The following MBD5 variants were observed in gnomAD, a reference collection of about 807,000 sequenced individuals.
The protein encoded by MBD5 is methyl-CpG binding domain protein 5.
MBD5 carries 13 observed loss-of-function variants against 117.3 expected under a neutral mutation model. That is an observed-to-expected ratio of 0.11 (90% CI 0.07 to 0.18). The LOEUF (loss-of-function observed/expected upper bound fraction) is 0.18. MBD5 is among the 10% of genes least tolerant of loss of function. The pLI, the probability that MBD5 is intolerant of heterozygous loss-of-function variation, is 1.00. For synonymous variants in MBD5, 727 were observed against 766.4 expected, an observed-to-expected ratio of 0.95 and a Z score of 0.85; for missense variants, 1,879 against 2,093.8, an observed-to-expected ratio of 0.90 and a Z score of 2.00.
chr2:148,316,149 C>G (rs1328180537), intron 3 of MBD5, among the ~76,000 whole-genome samples: 2 of 152,092 alleles, frequency 1.3e-5, no homozygotes, highest in African/African-American at 4.8e-5. Flanking sequence ...AAAATCTACC[C>G]CCATGATCCA....
intron 1 of MBD5, among the ~76,000 whole-genome samples, chr2:148,130,313 G>A (rs950563314): frequency 9.2e-5 from 14 of 152,094 alleles, no homozygotes; most frequent in African/African-American, 3.4e-4. Flanking sequence ...CATAGCTGAT[G>A]CAGTATAGCA....
intron 2 of MBD5, among the ~76,000 whole-genome samples, chr2:148,216,301 G>T (rs1462821193): frequency 2.0e-5 from 3 of 152,144 alleles, no homozygotes; most frequent in Non-Finnish European, 4.4e-5. Context: ...AGAAACTGTA[G>T]TAGATCTGTT....
Position 148,409,520 on chromosome 2 carries a change from A to C in MBD5, c.-556-48683A>C, listed in dbSNP as rs570532737. On this transcript the variant is annotated intron_variant, in intron 4 of 13. Coordinates refer to ENST00000642680, the MANE Select transcript of MBD5 (RefSeq NM_001378120.1). The stretch of plus-strand genomic sequence containing the variant: ...GTACTGTGATTGCTTCATGCTACTT[A>C]AGTGTAGCTCTGAAGTGTTTTCTAA... 2.6e-5 allele frequency among the ~76,000 whole-genome samples: 4 copies of C among 152,248 alleles called. No individual in the cohort carries two copies. In the East Asian group the frequency reaches 7.7e-4, roughly 29 times the overall value.
chr2:148,162,499 C>A (rs1053220363), intron 1 of MBD5, among the ~76,000 whole-genome samples: 1 of 152,094 alleles, frequency 6.6e-6, no homozygotes, highest in Non-Finnish European at 1.5e-5. Flanking sequence ...TTCTAAATTG[C>A]TGTAAGGGTG....
At chr2:148,077,562 G>A (rs1258188986) in intron 1 of MBD5, among the ~76,000 whole-genome samples, 5 of 152,074 alleles carry the variant, frequency 3.3e-5, no homozygotes, top group African/African-American at 1.2e-4. Context: ...AATTTTAAAC[G>A]GAGTAAGAGA....
intron 3 of MBD5, among the ~76,000 whole-genome samples, chr2:148,261,976 G>A (rs1389669810): frequency 2.0e-5 from 3 of 152,160 alleles, no homozygotes; most frequent in Non-Finnish European, 2.9e-5. Context: ...AACATTTATC[G>A]ATTGAATTTG....
rs1703803942 is a variant in MBD5, at chr2:148,369,844, A to G, written c.-557+27508A>G. ...TTAAATTCTTTATGTTAAATGTACCATTTGAATTCAGGATATTAATATTTT... is the reference window on the plus strand; with the variant it reads ...TTAAATTCTTTATGTTAAATGTACCGTTTGAATTCAGGATATTAATATTTT... On this transcript the variant is annotated intron_variant, in intron 4 of 13. Coordinates refer to ENST00000642680, the MANE Select transcript of MBD5 (RefSeq NM_001378120.1). 2.0e-5 allele frequency among the ~76,000 whole-genome samples: 3 copies of G among 152,136 alleles called. No individual in the cohort carries two copies. The South Asian group carries it at 6.2e-4, about 31-fold the overall frequency.
Position 148,166,145 on chromosome 2 carries a change from G to A in MBD5, c.-924-12555G>A, listed in dbSNP as rs1011289758. On this transcript the variant is annotated intron_variant, in intron 1 of 13. Transcript: ENST00000642680. ...CAAGAATGACTCAGAAGCTCTTTAT[G>A]GTTGCACTTGCTCATTCAGGTTTTA... 1.3e-5 allele frequency among the ~76,000 whole-genome samples: 2 copies of A among 152,110 alleles called. 1 individual carries two copies. Among genetic ancestry groups the A allele is most frequent in the African/African-American group, 4.8e-5 (2 of 41,418 alleles).
chr2:148,262,505 C>T (rs1180312787), intron 3 of MBD5, among the ~76,000 whole-genome samples: 15 of 151,994 alleles, frequency 9.9e-5, no homozygotes, highest in African/African-American at 3.6e-4. Context: ...TTCATGTAAC[C>T]CTCACAGCCA....
At chr2:148,395,206 A>C (rs1253818295) in intron 4 of MBD5, among the ~76,000 whole-genome samples, 2 of 152,236 alleles carry the variant, frequency 1.3e-5, no homozygotes, top group African/African-American at 4.8e-5. Context: ...TGTTTTCTCT[A>C]AAAGCTAGTT....
chr2:148,395,722 G>A (rs139128803), intron 4 of MBD5, among the ~76,000 whole-genome samples: 1 of 152,100 alleles, frequency 6.6e-6, no homozygotes, highest in Admixed American at 6.6e-5. Context: ...ACCGTGCCTG[G>A]CCCCAACTCA....
At chr2:148,123,536 C>G (rs998922482) in intron 1 of MBD5, among the ~76,000 whole-genome samples, 2 of 152,082 alleles carry the variant, frequency 1.3e-5, no homozygotes, top group African/African-American at 4.8e-5. Context: ...AGATGTAGAA[C>G]AAGGGTCAAA....
At chr2:148,187,877 C>T (rs1035845708) in intron 2 of MBD5, among the ~76,000 whole-genome samples, 3 of 152,072 alleles carry the variant, frequency 2.0e-5, no homozygotes, top group African/African-American at 4.8e-5. Context: ...GATTGGTAAA[C>T]ATAAAAGACT....
intron 3 of MBD5, among the ~76,000 whole-genome samples, chr2:148,326,709 T>C (rs1702462447): frequency 2.0e-5 from 3 of 151,884 alleles, no homozygotes; most frequent in African/African-American, 7.3e-5. Flanking sequence ...CTCCATCCTT[T>C]TATTTTGAGC....
At chr2:148,031,728 C>A (rs1259300320) in intron 1 of MBD5, among the ~76,000 whole-genome samples, 1 of 152,020 alleles carries the variant, frequency 6.6e-6, no homozygotes, top group African/African-American at 2.4e-5. Context: ...CCATTGGAGT[C>A]TGAAGTGTTT....
At chr2:148,486,137 G>A (rs575566330) in intron 10 of MBD5, among the ~76,000 whole-genome samples, 187 bp downstream of exon 10, 3 of 151,872 alleles carry the variant, frequency 2.0e-5, no homozygotes, top group African/African-American at 7.2e-5. Context: ...TTTTAATTTT[G>A]TCTGAAGTAT....
chr2:148,488,257 G>T (rs577190835), intron 10 of MBD5, among the ~76,000 whole-genome samples: 1 of 152,178 alleles, frequency 6.6e-6, no homozygotes, highest in African/African-American at 2.4e-5. Flanking sequence ...TTCTCATTAC[G>T]TAAGATCATC....
At chr2:148,225,142 T>C (rs1699789862) in intron 2 of MBD5, among the ~76,000 whole-genome samples, 1 of 152,196 alleles carries the variant, frequency 6.6e-6, no homozygotes, top group South Asian at 2.1e-4. Flanking sequence ...TGGTCTTCTT[T>C]CCTTCCTGTC....
chr2:148,399,508 C>T (rs1015211003), intron 4 of MBD5, among the ~76,000 whole-genome samples: 6 of 152,114 alleles, frequency 3.9e-5, no homozygotes, highest in South Asian at 4.2e-4. Flanking sequence ...GATTTTGTAT[C>T]CTGAGACTTT....
Sources: allele counts gnomAD v4.1 joint callset (sites outside exome capture counted in the v4.1 genomes callset), GRCh38; gene constraint gnomAD v4.1.1; transcripts MANE v1.5; gene names NCBI Gene and HGNC (gene_info 2026-07-23, HGNC 2026-07-21).